PCDH15: variants seen among roughly 807,000 people sequenced by gnomAD.
The protein encoded by PCDH15 is protocadherin-15.
A neutral mutation model predicts 178.5 loss-of-function variants in PCDH15; 129 were observed. The observed-to-expected ratio is 0.72, with a 90% CI of 0.63 to 0.84. The LOEUF is 0.84. PCDH15 is among the 40% of genes least tolerant of loss of function. PCDH15 has a pLI of 0.00. For missense variants in PCDH15, 2,230 were observed against 2,099.9 expected (o/e 1.06, Z -1.21); for synonymous variants, 800 against 732.0 (o/e 1.09, Z -1.50).
chr10:54,835,537 A>G (rs1953301189), intron 3 of PCDH15, among the ~76,000 whole-genome samples: 2 of 152,086 alleles, frequency 1.3e-5, no homozygotes, highest in Non-Finnish European at 1.5e-5. Context: ...ACATATCCCT[A>G]CTAAGACAAA....
intron 16 of PCDH15, among the ~76,000 whole-genome samples, chr10:54,080,443 G>C (rs1294928024): frequency 3.3e-5 from 5 of 152,082 alleles, no homozygotes; most frequent in Non-Finnish European, 7.4e-5. Flanking sequence ...AGCCTAACAA[G>C]TATCCACTGT....
intron 2 of PCDH15, among the ~76,000 whole-genome samples, chr10:55,010,602 A>G (rs1840026176): frequency 6.6e-6 from 1 of 152,120 alleles, no homozygotes; most frequent in Non-Finnish European, 1.5e-5. Context: ...ACAGGTCCAA[A>G]GGCCTTACAC....
At chr10:53,880,233 C>T (rs1474418928) in intron 26 of PCDH15, among the ~76,000 whole-genome samples, 3 of 152,240 alleles carry the variant, frequency 2.0e-5, no homozygotes, top group African/African-American at 7.2e-5. Context: ...TTTAAAATTA[C>T]ATGGCCACAG....
chr10:55,147,072 GTTA>G (rs1564837375), intron 2 of PCDH15, among the ~76,000 whole-genome samples: 1 of 151,422 alleles, frequency 6.6e-6, no homozygotes, highest in African/African-American at 2.4e-5. Context: ...ATTAGCAGTT[GTTA>G]TTAGAAAATA....
intron 26 of PCDH15, among the ~76,000 whole-genome samples, chr10:53,886,289 T>A (rs2133396877): frequency 6.6e-6 from 1 of 152,236 alleles, no homozygotes; most frequent in Non-Finnish European, 1.5e-5. Context: ...CTTACAGAAA[T>A]TAAGAAACCT....
chr10:54,710,554 C>A (rs1591201815), intron 1 of PCDH15, among the ~76,000 whole-genome samples: 1 of 151,898 alleles, frequency 6.6e-6, no homozygotes, highest in Non-Finnish European at 1.5e-5. Context: ...TCTATAATGA[C>A]CACAGTCTAG....
At chr10:54,058,572 A>C (rs1565148742) in intron 18 of PCDH15, among the ~76,000 whole-genome samples, 1 of 152,212 alleles carries the variant, frequency 6.6e-6, no homozygotes, top group Non-Finnish European at 1.5e-5. Context: ...TGGGAGCTAC[A>C]GTTCGAGATT....
intron 15 of PCDH15, among the ~76,000 whole-genome samples, chr10:54,125,611 A>C (rs1284341930): frequency 6.6e-6 from 1 of 152,194 alleles, no homozygotes; most frequent in Non-Finnish European, 1.5e-5. Context: ...ATAGAATAAT[A>C]GTACAGAGAG....
intron 23 of PCDH15, among the ~76,000 whole-genome samples, chr10:53,953,557 G>A (rs1008785923): frequency 6.6e-6 from 1 of 151,160 alleles, no homozygotes; most frequent in African/African-American, 2.4e-5. Flanking sequence ...TCAGTTCACA[G>A]GATTTGAAAA....
intron 13 of PCDH15, among the ~76,000 whole-genome samples, chr10:54,161,049 T>C (rs1189481592): frequency 6.6e-6 from 1 of 152,146 alleles, no homozygotes; most frequent in Admixed American, 6.6e-5. Context: ...TAAACATATA[T>C]GTGTATATAT....
intron 25 of PCDH15, among the ~76,000 whole-genome samples, chr10:53,907,690 G>A (rs904588477): frequency 2.9e-4 from 44 of 152,102 alleles, no homozygotes; most frequent in Admixed American, 3.3e-4. Context: ...CCTGAGGTAA[G>A]AAAATGTGAG....
chr10:54,594,675 G>A (rs2092106629), intron 2 of PCDH15, among the ~76,000 whole-genome samples: 1 of 152,194 alleles, frequency 6.6e-6, no homozygotes, highest in Admixed American at 6.5e-5. Context: ...CTGTACATGT[G>A]TTTGCAGACA....
chr10:54,574,036 C>T (rs1225819585), intron 2 of PCDH15, among the ~76,000 whole-genome samples: 1 of 152,110 alleles, frequency 6.6e-6, no homozygotes, highest in Non-Finnish European at 1.5e-5. Flanking sequence ...TTAATTAGAT[C>T]TCATTTGTCA....
chr10:54,869,456 G>T (rs903261134), intron 3 of PCDH15, among the ~76,000 whole-genome samples: 2 of 152,136 alleles, frequency 1.3e-5, no homozygotes, highest in African/African-American at 4.8e-5. Context: ...ATAATAATAA[G>T]TATTGTGAGT....
At chr10:54,507,595 A>C (rs925853913) in intron 3 of PCDH15, among the ~76,000 whole-genome samples, 1 of 151,936 alleles carries the variant, frequency 6.6e-6, no homozygotes, top group Non-Finnish European at 1.5e-5. Context: ...ATTTGCATGC[A>C]TTTTACTCAT....
intron 2 of PCDH15, among the ~76,000 whole-genome samples, chr10:55,033,309 G>A (rs1014957578): frequency 3.3e-5 from 5 of 152,256 alleles, no homozygotes; most frequent in Middle Eastern, 3.4e-3. Flanking sequence ...GAGAGCCACA[G>A]GCACTGAACT....
chr10:54,728,097 C>G (rs1942832589), intron 1 of PCDH15, among the ~76,000 whole-genome samples: 1 of 151,580 alleles, frequency 6.6e-6, no homozygotes, highest in Admixed American at 6.6e-5. Context: ...CAGCATTATT[C>G]TGATACCAAA....
intron 2 of PCDH15, among the ~76,000 whole-genome samples, chr10:54,640,910 C>T (rs893232867): frequency 6.6e-6 from 1 of 151,982 alleles, no homozygotes; most frequent in Non-Finnish European, 1.5e-5. Context: ...TGGAGACCAG[C>T]CTGGCTGACA....
intron 2 of PCDH15, among the ~76,000 whole-genome samples, chr10:55,427,211 T>C (rs1838778805): frequency 1.3e-5 from 2 of 152,174 alleles, no homozygotes; most frequent in African/African-American, 2.4e-5. Flanking sequence ...ATCTGGACCA[T>C]GCTTTTCCCC....
Sources: gnomAD v4.1 joint callset for allele counts (sites outside exome capture counted in the v4.1 genomes callset) on GRCh38, gnomAD v4.1.1 for gene constraint, MANE v1.5 for transcripts, NCBI Gene and HGNC (gene_info 2026-07-23, HGNC 2026-07-21) for gene names.